Variants in LONRF2 observed in about 807,000 individuals in gnomAD.
LONRF2 encodes LON peptidase N-terminal domain and ring finger 2.
A neutral mutation model predicts 66.6 loss-of-function variants in LONRF2; 35 were observed. The ratio of observed to expected loss-of-function variants is 0.53; its 90% CI spans 0.40 to 0.70. The LOEUF (loss-of-function observed/expected upper bound fraction) is 0.70, where lower values mean the gene tolerates loss of function less well. Ranked by LOEUF, LONRF2 falls within the 30% of genes least tolerant of loss-of-function variation. The pLI, the probability that LONRF2 is intolerant of heterozygous loss-of-function variation, is 0.00. For synonymous variants in LONRF2, 417 were observed against 418.1 expected, an observed-to-expected ratio of 1.00 and a Z score of 0.03; for missense variants, 902 against 1,002.1, an observed-to-expected ratio of 0.90 and a Z score of 1.35.
At chr2:100,306,051 G>C (rs551837887) in intron 2 of LONRF2, among the ~76,000 whole-genome samples, 1 of 152,006 alleles carries the variant, frequency 6.6e-6, no homozygotes, top group African/African-American at 2.4e-5. Flanking sequence ...ACCACACCTG[G>C]CTAATTTTTT....
intron 1 of LONRF2, among the ~76,000 whole-genome samples, chr2:100,311,641 A>C (rs1675410796): frequency 6.6e-6 from 1 of 152,220 alleles, no homozygotes; most frequent in South Asian, 2.1e-4. Flanking sequence ...TGAATTTAAA[A>C]AGCATGTGTC....
chr2:100,284,067 T>G lies in LONRF2; in HGVS notation c.*231A>C. Reference sequence around the variant, plus strand: ...CCTGCTTCTAAGAGATTTTCTTAGGTTGTTTTCCAACTATGGGCTCCATTC... The same window carrying G: ...CCTGCTTCTAAGAGATTTTCTTAGGGTGTTTTCCAACTATGGGCTCCATTC... On this transcript the variant is annotated 3_prime_UTR_variant, in exon 12 of 12. Coordinates refer to ENST00000393437, the MANE Select transcript of LONRF2 (RefSeq NM_198461.4). The G allele has an allele frequency of 2.4e-6, 1 of 423,838 alleles. No homozygotes were observed. Among genetic ancestry groups the G allele is most frequent in the Non-Finnish European group, 4.2e-6 (1 of 237,492 alleles). The allele number at this position is 423,838 out of a possible 1,614,324, so 26.3% of individuals were successfully genotyped here.
At chr2:100,290,237 C>T in intron 10 of LONRF2, 21 bp downstream of exon 10, 2 of 1,598,956 alleles carry the variant, frequency 1.3e-6, no homozygotes, top group South Asian at 1.1e-5. Context: ...CTATAAAATA[C>T]ACCAGTATGA....
At position 100,284,864 on chromosome 2, in the gene LONRF2, C is replaced by T. The variant is rs13423898; in HGVS notation, c.2071-372G>A. On this transcript the variant is annotated intron_variant, in intron 11 of 11. Transcript: ENST00000393437. ...TATTATTTTTTATGTCTTAAGCATG[C>T]CATATAAAGCATAATATTATAAAGG... 2.6e-3 allele frequency among the ~76,000 whole-genome samples: 392 copies of T among 152,138 alleles called. 1 individual carries two copies. The highest frequency in any genetic ancestry group is 8.6e-3 in the African/African-American group (356 of 41,478).
chr2:100,322,058 GGGCGGC>G lies in LONRF2; in HGVS notation c.30_35del (p.Pro11_Pro12del). ...CCGCGCGGTCGCAGCCAGGACACTG[GGGCGGC>G]GGCGGCGGCGGGACCGGCTCGGGGC... On this transcript the variant is annotated inframe_deletion, in exon 1 of 12. Coordinates refer to ENST00000393437, the MANE Select transcript of LONRF2 (RefSeq NM_198461.4). 8 of 1,308,860 alleles carry G rather than the reference GGGCGGC, an allele frequency of 6.1e-6. No homozygotes were observed. In the South Asian group the frequency reaches 6.2e-5, roughly 10 times the overall value. The allele number at this position is 1,308,860 out of a possible 1,614,324, so 81.1% of individuals were successfully genotyped here.
intron 1 of LONRF2, among the ~76,000 whole-genome samples, chr2:100,310,529 A>T (rs953945948): frequency 2.6e-5 from 4 of 152,256 alleles, no homozygotes; most frequent in Non-Finnish European, 5.9e-5. Context: ...AAGAACTTAC[A>T]CACAAAGATA....
At chr2:100,317,179 C>T (rs1320250554) in intron 1 of LONRF2, among the ~76,000 whole-genome samples, 2 of 151,882 alleles carry the variant, frequency 1.3e-5, no homozygotes, top group African/African-American at 4.8e-5. Flanking sequence ...AAATTAAATC[C>T]CCATTTTTCT....
intron 2 of LONRF2, 104 bp downstream of exon 2, chr2:100,309,003 A>G (rs1675353510): frequency 2.8e-6 from 2 of 718,338 alleles, no homozygotes; most frequent in East Asian, 2.7e-5. Context: ...TGAGGGAAAC[A>G]TACTTTGTCT....
At chr2:100,299,468 T>C in intron 5 of LONRF2, 149 bp from the exon 6 acceptor site, 1 of 608,232 alleles carries the variant, frequency 1.6e-6, no homozygotes, top group African/African-American at 1.9e-5. Context: ...GTTAACAGCA[T>C]ACAGCAATAA....
At chr2:100,289,407 A>C (rs1302232667) in intron 10 of LONRF2, among the ~76,000 whole-genome samples, 1 of 149,560 alleles carries the variant, frequency 6.7e-6, no homozygotes, top group South Asian at 2.1e-4. Context: ...GCAGGTTTAC[A>C]TGTTGCATAA....
chr2:100,316,095 C>T (rs547956643), intron 1 of LONRF2, among the ~76,000 whole-genome samples: 1 of 152,024 alleles, frequency 6.6e-6, no homozygotes, highest in Admixed American at 6.5e-5. Flanking sequence ...CAGAGGCGGG[C>T]AGATCACGAG....
chr2:100,285,949 C>A (rs1233722703), intron 11 of LONRF2, among the ~76,000 whole-genome samples: 2 of 152,138 alleles, frequency 1.3e-5, no homozygotes. Context: ...TAATAAACAA[C>A]AACTCCTAGG....
In LONRF2 at chr2:100,278,300, G is replaced by A. The variant is rs375985694; in HGVS notation, c.*5998C>T. ...GTATATAAAAGCTCATTACATATTG[G>A]GGCCTTCCATAATGTTTCCCCCTAT... is the stretch of plus-strand genomic sequence containing the variant. On this transcript the variant is annotated 3_prime_UTR_variant, in exon 12 of 12. Coordinates refer to ENST00000393437, the MANE Select transcript of LONRF2 (RefSeq NM_198461.4). The A allele has an allele frequency of 6.6e-6, 1 of 152,000 alleles. No individual in the cohort carries two copies. Among genetic ancestry groups the A allele is most frequent in the Non-Finnish European group, 1.5e-5 (1 of 68,002 alleles). 9.4% of individuals were successfully genotyped at this position (152,000 alleles called of 1,614,324 possible). A position where few individuals can be genotyped will look rare whatever the true frequency, so the allele number is the denominator to read the frequency against.
At chr2:100,300,576 C>T in intron 4 of LONRF2, 68 bp downstream of exon 4, 1 of 1,439,556 alleles carries the variant, frequency 6.9e-7, no homozygotes, top group South Asian at 1.4e-5. Context: ...AATCTGTAAA[C>T]TGTTTAAAAT....
Position 100,299,807 on chromosome 2 carries a change from T to C in LONRF2, c.1177A>G (p.Thr393Ala), listed in dbSNP as rs116242293. Reference protein sequence around the residue: ...DKKALESILPTAPSAGLKRQF... With the variant: ...DKKALESILPAAPSAGLKRQF... ...CTCTTTAAGCCAGCGCTGGGTGCTGTTGGAAGGATGCTTTCTAACGCCTTT... is the reference window on the plus strand; with the variant it reads ...CTCTTTAAGCCAGCGCTGGGTGCTGCTGGAAGGATGCTTTCTAACGCCTTT... The change falls in exon 5 of 12, where the codon ACA becomes GCA. Residue 393 changes from threonine (T) to alanine (A), a missense_variant. This residue lies in a region of LONRF2 where 585 missense variants were observed against 569.9 expected (regional missense o/e 1.03). Coordinates refer to ENST00000393437, the MANE Select transcript of LONRF2 (RefSeq NM_198461.4). The C allele has an allele frequency of 5.8e-4, 942 of 1,613,972 alleles. 2 individuals are homozygous for C. In the African/African-American group the frequency reaches 0.012, roughly 20 times the overall value.
rs1674648213 is a variant in LONRF2, at chr2:100,278,670, G to A, written c.*5628C>T. 1 of 152,130 alleles carries A rather than the reference G, an allele frequency of 6.6e-6. No homozygotes were observed. The highest frequency in any genetic ancestry group is 1.5e-5 in the Non-Finnish European group (1 of 68,064). The allele number at this position is 152,130 out of a possible 1,614,324, so 9.4% of individuals were successfully genotyped here. On this transcript the variant is annotated 3_prime_UTR_variant, in exon 12 of 12. Transcript: ENST00000393437. ...CACGAGTGGGGGTCCGCTTAGAAAGGAGACCCCACGTCTCACATCCCAGAA... is the reference window on the plus strand; with the variant it reads ...CACGAGTGGGGGTCCGCTTAGAAAGAAGACCCCACGTCTCACATCCCAGAA...
chr2:100,302,879 A>G, intron 3 of LONRF2, 42 bp downstream of exon 3: 1 of 1,518,214 alleles, frequency 6.6e-7, no homozygotes, highest in Non-Finnish European at 8.9e-7. Flanking sequence ...TGAAGGCTAT[A>G]AATAAGACCT....
At chr2:100,298,444 G>T (rs1313604796) in intron 7 of LONRF2, among the ~76,000 whole-genome samples, 2 of 152,148 alleles carry the variant, frequency 1.3e-5, no homozygotes, top group African/African-American at 4.8e-5. Context: ...GCCCTAAAGG[G>T]ACTCACCTGT....
chr2:100,299,231 G>A lies in LONRF2; in HGVS notation c.1356C>T (p.Cys452=), dbSNP rs1168124736. The change falls in exon 6 of 12, where the codon TGC becomes TGT. Residue 452 remains cysteine (C), a synonymous_variant. Transcript: ENST00000393437. The part of the protein sequence containing the change: ...LDVTDFECAL[C]MRLLFEPVTT... ...CGGATTCTGTACCATCCTACCTCATGCAGAGGGCACACTCAAAGTCAGTTA... is the reference window on the plus strand; with the variant it reads ...CGGATTCTGTACCATCCTACCTCATACAGAGGGCACACTCAAAGTCAGTTA... 1 of 1,582,018 alleles carries A rather than the reference G, an allele frequency of 6.3e-7. No individual in the cohort carries two copies. Among genetic ancestry groups the A allele is most frequent in the South Asian group, 1.2e-5 (1 of 86,486 alleles).
Sources: gnomAD v4.1 joint callset for allele counts (sites outside exome capture counted in the v4.1 genomes callset) on GRCh38, gnomAD v4.1.1 for gene constraint, gnomAD v4.1.1 regional missense constraint, MANE v1.5 for transcripts, NCBI Gene and HGNC (gene_info 2026-07-23, HGNC 2026-07-21) for gene names.